MAST4: variants seen among roughly 807,000 people sequenced by gnomAD.
The protein encoded by MAST4 is microtubule-associated serine/threonine-protein kinase 4.
MAST4 carries 89 observed loss-of-function variants against 162.7 expected under a neutral mutation model. That is an observed-to-expected ratio of 0.55 (90% CI 0.46 to 0.65). The LOEUF is 0.65. Among genes scored for constraint, MAST4 ranks in the 30% least tolerant of loss-of-function variants. The pLI, the probability that MAST4 is intolerant of heterozygous loss-of-function variation, is 0.00. For synonymous variants in MAST4, 1,479 were observed against 1,361.1 expected, an observed-to-expected ratio of 1.09 and a Z score of -1.91; for missense variants, 3,153 against 3,374.0, an observed-to-expected ratio of 0.93 and a Z score of 1.62.
intron 4 of MAST4, among the ~76,000 whole-genome samples, chr5:67,005,905 C>T (rs937284962): frequency 1.3e-5 from 2 of 152,208 alleles, no homozygotes; most frequent in Non-Finnish European, 2.9e-5. Context: ...CTTGCATGTA[C>T]ATGTGAACAT....
At chr5:67,039,036 G>A (rs1007250488) in intron 4 of MAST4, among the ~76,000 whole-genome samples, 3 of 152,144 alleles carry the variant, frequency 2.0e-5, no homozygotes, top group East Asian at 1.9e-4. Flanking sequence ...TGACCACAAA[G>A]CCAAAGGAAT....
At chr5:66,633,185 T>G (rs1744897413) in intron 1 of MAST4, among the ~76,000 whole-genome samples, 1 of 152,188 alleles carries the variant, frequency 6.6e-6, no homozygotes, top group African/African-American at 2.4e-5. Flanking sequence ...CCTTTGCCCT[T>G]GTGTCTGAAA....
chr5:66,787,989 G>A (rs1282645003), intron 2 of MAST4, among the ~76,000 whole-genome samples: 1 of 152,168 alleles, frequency 6.6e-6, no homozygotes, highest in Non-Finnish European at 1.5e-5. Context: ...ATGTACCAAG[G>A]AAGTAATGTA....
intron 4 of MAST4, among the ~76,000 whole-genome samples, chr5:66,990,697 A>G (rs1749982984): frequency 6.6e-6 from 1 of 152,162 alleles, no homozygotes; most frequent in Non-Finnish European, 1.5e-5. Context: ...TCATATGAGC[A>G]TTCTGTATTA....
chr5:67,090,243 T>C lies in MAST4; in HGVS notation c.833+12T>C, dbSNP rs1763678755. ...TCATTTGCACGGAGGTAAGGACTTT[T>C]TGTGAGTGGAGGCATAAGGTCTTAT... is the stretch of plus-strand genomic sequence containing the variant. On this transcript the variant is annotated intron_variant, in intron 6 of 28. Transcript: ENST00000403625. The C allele has an allele frequency of 1.2e-6, 2 of 1,605,208 alleles. No individual in the cohort carries two copies. Among genetic ancestry groups the C allele is most frequent in the Non-Finnish European group, 1.7e-6 (2 of 1,173,050 alleles).
At chr5:66,824,472 A>T (rs753660003) in intron 3 of MAST4, among the ~76,000 whole-genome samples, 1 of 152,178 alleles carries the variant, frequency 6.6e-6, no homozygotes, top group Non-Finnish European at 1.5e-5. Flanking sequence ...GAGCTGCTGG[A>T]TGGGGCTGGA....
In MAST4 at chr5:67,028,100, A is replaced by G. The variant is rs57144596; in HGVS notation, c.675-26304A>G. ...AATTTACAGTATCATGTGTGAGTAT[A>G]TGTCTGTCTTACTCCTTCTTAGCCA... On this transcript the variant is annotated intron_variant, in intron 4 of 28. Coordinates refer to ENST00000403625, the MANE Select transcript of MAST4 (RefSeq NM_001164664.2). Among the ~76,000 whole-genome samples the G allele has an allele frequency of 2.2e-4, 33 of 152,120 alleles. No homozygotes were observed. In the East Asian group the frequency reaches 6.0e-3, roughly 28 times the overall value.
At chr5:67,090,422 C>G (rs570247893) in intron 6 of MAST4, among the ~76,000 whole-genome samples, 191 bp downstream of exon 6, 6 of 85,574 alleles carry the variant, frequency 7.0e-5, no homozygotes, top group South Asian at 1.4e-3. Context: ...TTTCCCCCAT[C>G]TCACTTCCCC....
rs1020047052 is a variant in MAST4 at position 67,132,282 on chromosome 5, C to T, written c.2093+331C>T. Among the ~76,000 whole-genome samples the T allele has an allele frequency of 2.0e-5, 3 of 152,020 alleles. No individual in the cohort carries two copies. The East Asian group carries it at 5.8e-4, about 29-fold the overall frequency. On this transcript the variant is annotated intron_variant, in intron 16 of 28. Coordinates refer to ENST00000403625, the MANE Select transcript of MAST4 (RefSeq NM_001164664.2). The stretch of plus-strand genomic sequence containing the variant: ...GTGGTGTATGCTGCACCCATCAATC[C>T]GTCATCTACATTAGGTATTTATCCT...
chr5:66,751,886 G>C (rs1485921641), intron 1 of MAST4, among the ~76,000 whole-genome samples: 162 of 149,282 alleles, frequency 1.1e-3, no homozygotes, highest in African/African-American at 3.9e-3. Context: ...GTTAAGGGCA[G>C]CCAGAGAGAA....
chr5:66,618,960 C>CTCCATTT (rs1726727956), intron 1 of MAST4, among the ~76,000 whole-genome samples: 1 of 152,228 alleles, frequency 6.6e-6, no homozygotes, highest in African/African-American at 2.4e-5. Context: ...CCAACAAAAG[C>CTCCATTT]TCCATTTTAT....
At chr5:66,798,365 T>A (rs757342007) in intron 3 of MAST4, among the ~76,000 whole-genome samples, 3 of 152,168 alleles carry the variant, frequency 2.0e-5, no homozygotes, top group Non-Finnish European at 4.4e-5. Context: ...TTACAAATAA[T>A]ATGTAGAGGC....
chr5:66,816,330 G>A (rs1173209311), intron 3 of MAST4, among the ~76,000 whole-genome samples: 1 of 151,872 alleles, frequency 6.6e-6, no homozygotes, highest in Non-Finnish European at 1.5e-5. Flanking sequence ...CAAAAGACTG[G>A]GCACCCCTGT....
chr5:67,156,786 C>T (rs1772593255), intron 26 of MAST4, among the ~76,000 whole-genome samples: 1 of 152,200 alleles, frequency 6.6e-6, no homozygotes, highest in Non-Finnish European at 1.5e-5. Context: ...GGCCCATCTC[C>T]CATCTGTGCT....
chr5:66,614,455 T>G (rs892605460), intron 1 of MAST4, among the ~76,000 whole-genome samples: 16 of 152,342 alleles, frequency 1.1e-4, no homozygotes, highest in African/African-American at 3.1e-4. Context: ...CTGAAGACTT[T>G]AGTCTTGGGG....
intron 1 of MAST4, among the ~76,000 whole-genome samples, chr5:66,608,656 C>A (rs1318978263): frequency 1.3e-5 from 2 of 152,056 alleles, no homozygotes; most frequent in African/African-American, 4.8e-5. Context: ...GATGCTGGAG[C>A]ACTCTGTTGT....
At chr5:66,772,413 GGGTTCCAAAGTATAAAA>G (rs1561320326) in intron 2 of MAST4, among the ~76,000 whole-genome samples, 2 of 152,088 alleles carry the variant, frequency 1.3e-5, no homozygotes, top group Non-Finnish European at 2.9e-5. Context: ...ATACGCTACT[GGGTTCCAAAGTATAAAA>G]GGCCAGTGAC....
At chr5:66,970,483 C>T (rs757167376) in intron 4 of MAST4, among the ~76,000 whole-genome samples, 2 of 152,112 alleles carry the variant, frequency 1.3e-5, no homozygotes, top group Non-Finnish European at 2.9e-5. Flanking sequence ...CTTTTAGGTC[C>T]GTGGGGTCTT....
At chr5:67,056,430 C>T (rs769849706) in intron 5 of MAST4, among the ~76,000 whole-genome samples, 20 of 152,232 alleles carry the variant, frequency 1.3e-4, no homozygotes, top group African/African-American at 3.9e-4. Flanking sequence ...TATAATTCTG[C>T]GATTTAAAGA....
Sources: allele counts gnomAD v4.1 joint callset (sites outside exome capture counted in the v4.1 genomes callset), GRCh38; gene constraint gnomAD v4.1.1; transcripts MANE v1.5; gene names NCBI Gene and HGNC (gene_info 2026-07-23, HGNC 2026-07-21).